Variants in IMMP2L observed in about 807,000 individuals in gnomAD.
The protein encoded by IMMP2L is mitochondrial inner membrane protease subunit 2.
Under a neutral mutation model 19.3 loss-of-function variants are expected in IMMP2L, and 18 were observed. The observed-to-expected ratio is 0.93, with a 90% CI of 0.64 to 1.38. The LOEUF (loss-of-function observed/expected upper bound fraction) is 1.38, where lower values mean the gene tolerates loss of function less well. Among genes scored for constraint, IMMP2L ranks in the 40% most tolerant of loss-of-function variants. The pLI is 0.00. For synonymous variants in IMMP2L, 76 were observed against 73.0 expected (o/e 1.04, Z -0.21); for missense variants, 233 against 218.2 (o/e 1.07, Z -0.43).
At chr7:111,278,560 T>C (rs954254694) in intron 3 of IMMP2L, among the ~76,000 whole-genome samples, 2 of 152,178 alleles carry the variant, frequency 1.3e-5, no homozygotes, top group Admixed American at 6.5e-5. Flanking sequence ...TCTACACATA[T>C]ACAGACACAT....
rs188803431 is a variant in IMMP2L at position 110,673,489 on chromosome 7, G to A, written c.409-9768C>T. Among the ~76,000 whole-genome samples the A allele has an allele frequency of 7.1e-4, 108 of 152,318 alleles. 1 individual carries two copies. The South Asian group carries it at 7.4e-3, about 11-fold the overall frequency. Reference sequence around the variant, plus strand: ...TACTTATGCAAATTTCTGCAGCTGGGTTGAATTTTTCCCAAGAAAATGAGT... The same window carrying A: ...TACTTATGCAAATTTCTGCAGCTGGATTGAATTTTTCCCAAGAAAATGAGT... On this transcript the variant is annotated intron_variant, in intron 5 of 5. Transcript: ENST00000405709.
At chr7:110,804,429 T>C (rs950801198) in intron 5 of IMMP2L, among the ~76,000 whole-genome samples, 1 of 151,798 alleles carries the variant, frequency 6.6e-6, no homozygotes, top group Non-Finnish European at 1.5e-5. Context: ...TCTAAAAGAG[T>C]AGTGATTCAC....
intron 3 of IMMP2L, among the ~76,000 whole-genome samples, chr7:111,435,696 G>A (rs1837089997): frequency 6.6e-6 from 1 of 151,794 alleles, no homozygotes; most frequent in African/African-American, 2.4e-5. Flanking sequence ...ATTCACAATT[G>A]GACAAGCGAT....
intron 3 of IMMP2L, among the ~76,000 whole-genome samples, chr7:111,384,129 G>C (rs1233203848): frequency 6.6e-6 from 1 of 151,526 alleles, no homozygotes; most frequent in Non-Finnish European, 1.5e-5. Context: ...GCGTGGCAGA[G>C]TGAGAGCCCC....
intron 5 of IMMP2L, among the ~76,000 whole-genome samples, chr7:110,717,099 G>A (rs964294483): frequency 7.2e-5 from 11 of 152,250 alleles, no homozygotes; most frequent in East Asian, 3.9e-4. Flanking sequence ...AGAAGGTAGC[G>A]GATAGAGCAT....
intron 3 of IMMP2L, among the ~76,000 whole-genome samples, chr7:111,068,603 G>C (rs1794703591): frequency 6.6e-6 from 1 of 152,126 alleles, no homozygotes; most frequent in Non-Finnish European, 1.5e-5. Flanking sequence ...AGAATATCCA[G>C]TAATAAATTA....
chr7:111,345,207 T>G (rs1030186492), intron 3 of IMMP2L, among the ~76,000 whole-genome samples: 1 of 152,162 alleles, frequency 6.6e-6, no homozygotes, highest in African/African-American at 2.4e-5. Context: ...CTAATATTAC[T>G]AAATGTGTAA....
rs371239261 is a variant in IMMP2L, at chr7:111,140,617, G to A, written c.240-177052C>T. Among the ~76,000 whole-genome samples the A allele has an allele frequency of 1.6e-4, 25 of 152,296 alleles. 2 individuals carry two copies. The South Asian group carries it at 2.5e-3, about 15-fold the overall frequency. On this transcript the variant is annotated intron_variant, in intron 3 of 5. Coordinates refer to ENST00000405709, the MANE Select transcript of IMMP2L (RefSeq NM_032549.4). ...TTGGGAAGGGCTAAATAAGTTAACA[G>A]GGCCAAGCCATTTTGGCCAGATGGC...
At chr7:111,232,497 G>A (rs941761824) in intron 3 of IMMP2L, among the ~76,000 whole-genome samples, 1 of 151,494 alleles carries the variant, frequency 6.6e-6, no homozygotes, top group African/African-American at 2.4e-5. Flanking sequence ...CCAGTCCTGA[G>A]GTTAGCTAGA....
chr7:110,980,249 T>TC (rs1457896351), intron 3 of IMMP2L, among the ~76,000 whole-genome samples: 1 of 148,378 alleles, frequency 6.7e-6, no homozygotes, highest in African/African-American at 2.5e-5. Context: ...TTTTTTTTTT[T>TC]AGGAGTCTCG....
At chr7:111,208,353 A>G (rs1810949262) in intron 3 of IMMP2L, among the ~76,000 whole-genome samples, 1 of 152,198 alleles carries the variant, frequency 6.6e-6, no homozygotes, top group Non-Finnish European at 1.5e-5. Context: ...TACCCATAAC[A>G]TACAGAGCTT....
At chr7:111,506,309 A>G (rs1004266776) in intron 2 of IMMP2L, among the ~76,000 whole-genome samples, 1 of 152,112 alleles carries the variant, frequency 6.6e-6, no homozygotes, top group Non-Finnish European at 1.5e-5. Context: ...AATTGACCCC[A>G]TTTTAGTACA....
At chr7:111,382,628 A>G in intron 3 of IMMP2L, among the ~76,000 whole-genome samples, 1 of 152,150 alleles carries the variant, frequency 6.6e-6, no homozygotes. Context: ...AAAAGCTCAG[A>G]AAAGCAATCA....
intron 3 of IMMP2L, among the ~76,000 whole-genome samples, chr7:111,103,587 T>C (rs1798216474): frequency 1.3e-5 from 2 of 151,814 alleles, no homozygotes; most frequent in South Asian, 2.1e-4. Context: ...TAAGTAGTTC[T>C]ATTTTGTTCT....
chr7:111,465,228 T>C (rs1187659185), intron 3 of IMMP2L, among the ~76,000 whole-genome samples: 2 of 152,126 alleles, frequency 1.3e-5, no homozygotes, highest in Non-Finnish European at 2.9e-5. Flanking sequence ...AGTGTTTTAT[T>C]TGCTTACGAC....
intron 3 of IMMP2L, among the ~76,000 whole-genome samples, chr7:111,376,505 G>C (rs1305547586): frequency 6.6e-6 from 1 of 152,054 alleles, no homozygotes; most frequent in Non-Finnish European, 1.5e-5. Flanking sequence ...TTCCTCAAAT[G>C]CTTAAACACA....
intron 3 of IMMP2L, among the ~76,000 whole-genome samples, chr7:110,970,019 G>GT (rs1392633476): frequency 1.3e-5 from 2 of 152,102 alleles, no homozygotes; most frequent in Non-Finnish European, 2.9e-5. Flanking sequence ...AGTGTTCTTG[G>GT]TTAAATGTTG....
intron 3 of IMMP2L, among the ~76,000 whole-genome samples, chr7:111,191,829 T>A (rs1808912116): frequency 6.6e-6 from 1 of 152,006 alleles, no homozygotes; most frequent in African/African-American, 2.4e-5. Context: ...ATCCTAATCA[T>A]CCATTGCTGG....
At chr7:110,981,205 T>C (rs1373064923) in intron 3 of IMMP2L, among the ~76,000 whole-genome samples, 1 of 152,100 alleles carries the variant, frequency 6.6e-6, no homozygotes, top group African/African-American at 2.4e-5. Context: ...AAGTTGTGTA[T>C]AAATGTAATC....
Sources: allele counts gnomAD v4.1 joint callset (sites outside exome capture counted in the v4.1 genomes callset), GRCh38; gene constraint gnomAD v4.1.1; transcripts MANE v1.5; gene names NCBI Gene and HGNC (gene_info 2026-07-23, HGNC 2026-07-21).